Variants in RBFOX3 observed in about 807,000 individuals in gnomAD.
The protein encoded by RBFOX3 is RNA binding fox-1 homolog 3.
RBFOX3 carries 17 observed loss-of-function variants against 48.7 expected under a neutral mutation model. The observed-to-expected ratio is 0.35, with a 90% confidence interval of 0.24 to 0.52. RBFOX3 has a LOEUF of 0.52. Among genes scored for constraint, RBFOX3 ranks in the 20% least tolerant of loss-of-function variants. The pLI is 0.94. For synonymous variants in RBFOX3, 212 were observed against 209.5 expected, an observed-to-expected ratio of 1.01 and a Z score of -0.10; for missense variants, 382 against 497.5, an observed-to-expected ratio of 0.77 and a Z score of 2.21.
chr17:79,650,292 C>T, the RBFOX3 span, among the ~76,000 whole-genome samples: 391 of 152,172 alleles, frequency 2.6e-3, no homozygotes, highest in African/African-American at 9.0e-3. Context: ...ATGCTGGATG[C>T]CCGGGCCGAG....
At chr17:79,416,044 G>A (rs534910530) in intron 2 of RBFOX3, among the ~76,000 whole-genome samples, 12 of 152,206 alleles carry the variant, frequency 7.9e-5, no homozygotes, top group South Asian at 2.1e-4. Flanking sequence ...TTCTGCCGCC[G>A]CCTCTTCCTC....
chr17:79,236,487 C>T (rs573399090), intron 3 of RBFOX3, among the ~76,000 whole-genome samples: 6 of 152,206 alleles, frequency 3.9e-5, no homozygotes, highest in East Asian at 3.9e-4. Flanking sequence ...ACGGGGGTCT[C>T]GCCATGTTGC....
chr17:79,498,322 G>T (rs1380856593), intron 1 of RBFOX3, among the ~76,000 whole-genome samples: 1 of 152,078 alleles, frequency 6.6e-6, no homozygotes, highest in Non-Finnish European at 1.5e-5. Flanking sequence ...CTTCATGAAG[G>T]GGGAAGACCT....
At chr17:79,342,644 G>A (rs992286750) in intron 2 of RBFOX3, among the ~76,000 whole-genome samples, 2 of 152,202 alleles carry the variant, frequency 1.3e-5, no homozygotes, top group Admixed American at 6.5e-5. Context: ...GGATGACCTG[G>A]AGGAACTGCT....
At chr17:79,625,516 C>T in the RBFOX3 span, among the ~76,000 whole-genome samples, 3 of 152,144 alleles carry the variant, frequency 2.0e-5, no homozygotes, top group Non-Finnish European at 4.4e-5. Flanking sequence ...TGGGGCCAGG[C>T]GTGGTGGCTC....
intron 2 of RBFOX3, among the ~76,000 whole-genome samples, chr17:79,428,782 T>C (rs1207933703): frequency 1.3e-5 from 2 of 152,214 alleles, no homozygotes; most frequent in Non-Finnish European, 2.9e-5. Context: ...CCCCCCGGCT[T>C]ATGTTCTCAG....
At chr17:79,497,595 C>A (rs1000341404) in intron 1 of RBFOX3, among the ~76,000 whole-genome samples, 1 of 152,230 alleles carries the variant, frequency 6.6e-6, no homozygotes, top group Non-Finnish European at 1.5e-5. Context: ...CTCATCAGTT[C>A]TCTGGCAGTG....
At chr17:79,620,509 G>A in the RBFOX3 span, among the ~76,000 whole-genome samples, 40 of 135,956 alleles carry the variant, frequency 2.9e-4, no homozygotes, top group East Asian at 6.3e-3. Flanking sequence ...ACACACATGC[G>A]CATACGTGCA....
At chr17:79,650,803 T>C in the RBFOX3 span, among the ~76,000 whole-genome samples, 1 of 152,142 alleles carries the variant, frequency 6.6e-6, no homozygotes, top group Admixed American at 6.5e-5. Flanking sequence ...GCCATCGACG[T>C]CAGCGCCCAC....
intron 2 of RBFOX3, among the ~76,000 whole-genome samples, chr17:79,453,183 T>C (rs1044639185): frequency 1.3e-5 from 2 of 152,234 alleles, no homozygotes; most frequent in African/African-American, 4.8e-5. Context: ...ACACATGCTA[T>C]GCCGGAGCTG....
intron 4 of RBFOX3, among the ~76,000 whole-genome samples, chr17:79,183,692 GGTGCGTGTGCGTGTGTGAGTGCGCGC>G (rs2052722277): frequency 6.6e-6 from 1 of 152,222 alleles, no homozygotes; most frequent in African/African-American, 2.4e-5. Context: ...TGCAAAGAGT[GGTGCGTGTGCGTGTGTGAGTGCGCGC>G]GTGTGCGCGC....
In RBFOX3 at chr17:79,214,705, G is replaced by C. The variant is rs547384023; in HGVS notation, c.-34+21061C>G. Among the ~76,000 whole-genome samples, 71 of 152,156 alleles carry C rather than the reference G, an allele frequency of 4.7e-4. No homozygotes were observed. Among genetic ancestry groups the C allele is most frequent in the Non-Finnish European group, 8.8e-4 (60 of 67,962 alleles). The stretch of plus-strand genomic sequence containing the variant: ...GGGTGGCCATCTGGGAAGCCCAGGA[G>C]GGGAGGCTGGAGGCCCAGGGGCCCC... On this transcript the variant is annotated intron_variant, in intron 4 of 14. Transcript: ENST00000693108. The surrounding 1 kb of genome is among the most constrained non-coding windows in gnomAD (Gnocchi z 4.7).
chr17:79,182,834 C>CTCTGCGCGCCCCCGCCGCCAG (rs1568299890), intron 4 of RBFOX3, among the ~76,000 whole-genome samples: 1 of 151,250 alleles, frequency 6.6e-6, no homozygotes, highest in African/African-American at 2.4e-5. Flanking sequence ...CCCGCCGCCA[C>CTCTGCGCGCCCCCGCCGCCAG]CTCTGCGCGC....
intron 1 of RBFOX3, among the ~76,000 whole-genome samples, chr17:79,536,361 G>A (rs2150128169): frequency 6.6e-6 from 1 of 152,368 alleles, no homozygotes; most frequent in African/African-American, 2.4e-5. Context: ...TGTGAGACGT[G>A]GCACACAGCC....
intron 1 of RBFOX3, among the ~76,000 whole-genome samples, chr17:79,500,588 T>C (rs1400108259): frequency 1.3e-5 from 2 of 152,228 alleles, no homozygotes; most frequent in East Asian, 1.9e-4. Context: ...TGGGTTTTCA[T>C]AGTTTGTCGT....
chr17:79,187,319 C>A (rs573798128), intron 4 of RBFOX3, among the ~76,000 whole-genome samples: 2 of 152,190 alleles, frequency 1.3e-5, no homozygotes, highest in African/African-American at 4.8e-5. Context: ...CCCTTCCAGG[C>A]GCCCAGGCCG....
At chr17:79,146,946 G>A (rs1374543128) in intron 4 of RBFOX3, among the ~76,000 whole-genome samples, 2 of 152,228 alleles carry the variant, frequency 1.3e-5, no homozygotes, top group Non-Finnish European at 2.9e-5. Context: ...AGCAAAACAT[G>A]ATCAAAACGG....
rs1383201662 is a variant in RBFOX3 at position 79,464,298 on chromosome 17, C to T, written c.-175+18156G>A. Among the ~76,000 whole-genome samples the T allele has an allele frequency of 4.6e-5, 7 of 152,344 alleles. No individual in the cohort carries two copies. In the East Asian group the frequency reaches 1.2e-3, roughly 25 times the overall value. Reference sequence around the variant, plus strand: ...CGGACAGAGAAAATTCCCAGAAAGACGTTGGGGGAAATGTTAGCGACAGCC... The same window carrying T: ...CGGACAGAGAAAATTCCCAGAAAGATGTTGGGGGAAATGTTAGCGACAGCC... On this transcript the variant is annotated intron_variant, in intron 2 of 14. Transcript: ENST00000693108.
chr17:79,411,455 G>T (rs1196022650), intron 2 of RBFOX3, among the ~76,000 whole-genome samples: 1 of 152,136 alleles, frequency 6.6e-6, no homozygotes, highest in Non-Finnish European at 1.5e-5. Flanking sequence ...AGCGTGTTCA[G>T]CCTTGGCCTC....
Sources: allele counts gnomAD v4.1 joint callset (sites outside exome capture counted in the v4.1 genomes callset), GRCh38; gene constraint gnomAD v4.1.1; non-coding constraint Gnocchi (gnomAD v3.1); transcripts MANE v1.5; gene names NCBI Gene and HGNC (gene_info 2026-07-23, HGNC 2026-07-21).